The following CDH11 variants were observed in gnomAD, a reference collection of about 807,000 sequenced individuals.
CDH11 encodes cadherin-11.
In CDH11, 11 loss-of-function variants were observed where a neutral mutation model predicts 67.8. The ratio of observed to expected loss-of-function variants is 0.16; its 90% CI spans 0.10 to 0.27. The LOEUF (loss-of-function observed/expected upper bound fraction) is 0.27, where lower values mean the gene tolerates loss of function less well. Ranked by LOEUF, CDH11 falls within the 10% of genes least tolerant of loss-of-function variation. The pLI, the probability that CDH11 is intolerant of heterozygous loss-of-function variation, is 1.00. For missense variants in CDH11, 847 were observed against 1,031.2 expected, an observed-to-expected ratio of 0.82 and a Z score of 2.45; for synonymous variants, 419 against 400.0, an observed-to-expected ratio of 1.05 and a Z score of -0.57.
intron 2 of CDH11, among the ~76,000 whole-genome samples, chr16:65,024,185 GTCT>G (rs1437414634): frequency 1.3e-5 from 2 of 152,152 alleles, no homozygotes; most frequent in Non-Finnish European, 2.9e-5. Context: ...CCCTGGTTAT[GTCT>G]TCTGCTTCCT....
intron 11 of CDH11, among the ~76,000 whole-genome samples, chr16:64,966,036 G>T (rs532119762): frequency 6.6e-6 from 1 of 152,152 alleles, no homozygotes; most frequent in African/African-American, 2.4e-5. Context: ...GCAGTGGTAT[G>T]CTTAAAAAGG....
chr16:64,968,459 C>A, intron 11 of CDH11: 4 of 984,900 alleles, frequency 4.1e-6, no homozygotes, highest in Non-Finnish European at 4.8e-6. Flanking sequence ...TGCTCTTCAT[C>A]TGCCCAAATA....
At chr16:65,046,272 G>T (rs1023904729) in intron 2 of CDH11, among the ~76,000 whole-genome samples, 1 of 152,192 alleles carries the variant, frequency 6.6e-6, no homozygotes, top group African/African-American at 2.4e-5. Flanking sequence ...CAGTTGGATT[G>T]CCTGTTACCA....
intron 1 of CDH11, among the ~76,000 whole-genome samples, chr16:65,098,827 A>G (rs2074941939): frequency 6.6e-6 from 1 of 152,092 alleles, no homozygotes; most frequent in South Asian, 2.1e-4. Context: ...CTCTGCCACT[A>G]GTATGCCATG....
intron 3 of CDH11, among the ~76,000 whole-genome samples, chr16:65,002,581 T>A (rs1216876371): frequency 6.6e-6 from 1 of 152,240 alleles, no homozygotes; most frequent in Non-Finnish European, 1.5e-5. Flanking sequence ...TGAAATTCCT[T>A]TGGTACATCT....
At chr16:65,113,532 C>T (rs2075195225) in intron 1 of CDH11, among the ~76,000 whole-genome samples, 2 of 152,054 alleles carry the variant, frequency 1.3e-5, no homozygotes, top group Non-Finnish European at 1.5e-5. Flanking sequence ...AGTCCTCAGC[C>T]CTCCTTAGAG....
At chr16:65,015,761 A>G (rs1169416793) in intron 2 of CDH11, among the ~76,000 whole-genome samples, 1 of 152,186 alleles carries the variant, frequency 6.6e-6, no homozygotes, top group African/African-American at 2.4e-5. Context: ...ACCACTCCCC[A>G]TAGTCTGTTT....
intron 2 of CDH11, among the ~76,000 whole-genome samples, chr16:65,018,791 T>C (rs1000606384): frequency 1.3e-5 from 2 of 152,182 alleles, no homozygotes; most frequent in Admixed American, 6.5e-5. Flanking sequence ...ATGGTACACT[T>C]TCCCAAATTA....
At chr16:65,043,570 G>A (rs1188153423) in intron 2 of CDH11, among the ~76,000 whole-genome samples, 1 of 152,206 alleles carries the variant, frequency 6.6e-6, no homozygotes, top group Non-Finnish European at 1.5e-5. Flanking sequence ...CTGGAAAAGA[G>A]CATGACTTTG....
At chr16:65,065,067 G>T (rs149358237) in intron 1 of CDH11, among the ~76,000 whole-genome samples, 12 of 152,126 alleles carry the variant, frequency 7.9e-5, no homozygotes, top group African/African-American at 2.9e-4. Flanking sequence ...TCAGCTATGC[G>T]AGGGGACTGC....
At chr16:65,020,435 T>A (rs558672036) in intron 2 of CDH11, among the ~76,000 whole-genome samples, 1 of 152,292 alleles carries the variant, frequency 6.6e-6, no homozygotes, top group South Asian at 2.1e-4. Flanking sequence ...GCTCAAGCAA[T>A]TGTCCTGCCT....
chr16:65,069,832 T>C (rs1463843617), intron 1 of CDH11, among the ~76,000 whole-genome samples: 2 of 152,058 alleles, frequency 1.3e-5, no homozygotes, highest in African/African-American at 4.8e-5. Flanking sequence ...CCCAGTTTAT[T>C]CCTCCAACAC....
rs569766938 is a variant in CDH11 at position 65,121,483 on chromosome 16, C to T, written c.-298+397G>A. On this transcript the variant is annotated intron_variant, in intron 1 of 12. Transcript: ENST00000268603. This position sits in a 1 kb window ranked among gnomAD's most constrained non-coding sequence, Gnocchi z 4.1. ...GGCGCAGGGCTGGCGGGCACCGCGC[C>T]GTGGGCGACTTTCCCCAGAGATATG... Among the ~76,000 whole-genome samples the T allele has an allele frequency of 1.2e-4, 19 of 152,234 alleles. No individual in the cohort carries two copies. In the South Asian group the frequency reaches 3.3e-3, roughly 27 times the overall value.
In CDH11 at chr16:65,081,568, C is replaced by CA. The variant is rs200604783; in HGVS notation, c.-297-27641dup. Among the ~76,000 whole-genome samples the CA allele has an allele frequency of 9.3e-3, 563 of 60,362 alleles. 3 individuals carry two copies. Among genetic ancestry groups the CA allele is most frequent in the East Asian group, 0.04 (82 of 2,044 alleles). The allele number at this position is 60,362 out of a possible 152,430, so 39.6% of individuals were successfully genotyped here. A position where few individuals can be genotyped will look rare whatever the true frequency, so the allele number is the denominator to read the frequency against. On this transcript the variant is annotated intron_variant, in intron 1 of 12. Transcript: ENST00000268603. Reference sequence around the variant, plus strand: ...TGGGTGACTGAACGAGACTCTGTCTCAAAAAAAAAAAAAAAAAGCATCTAC... The same window carrying CA: ...TGGGTGACTGAACGAGACTCTGTCTCAAAAAAAAAAAAAAAAAAGCATCTAC...
In CDH11 at chr16:65,099,538, A is replaced by C. The variant is rs147787129; in HGVS notation, c.-298+22342T>G. Among the ~76,000 whole-genome samples, 356 of 152,212 alleles carry C rather than the reference A, an allele frequency of 2.3e-3. 2 individuals carry two copies. Among genetic ancestry groups the C allele is most frequent in the African/African-American group, 7.9e-3 (327 of 41,556 alleles). On this transcript the variant is annotated intron_variant, in intron 1 of 12. Transcript: ENST00000268603. ...GAAAGATCATTCTCTCCTGATTTTAATGATCTTAAGACACAAAAGCTATGT... is the reference window on the plus strand; with the variant it reads ...GAAAGATCATTCTCTCCTGATTTTACTGATCTTAAGACACAAAAGCTATGT...
intron 11 of CDH11, among the ~76,000 whole-genome samples, chr16:64,961,239 A>G (rs935598041): frequency 6.6e-6 from 1 of 152,172 alleles, no homozygotes; most frequent in Non-Finnish European, 1.5e-5. Context: ...CAAACAGGGA[A>G]GAGGCTTCAT....
chr16:65,096,409 GTGTGTGTGTGTGTGT>G (rs2074893169), intron 1 of CDH11, among the ~76,000 whole-genome samples: 1 of 74,174 alleles, frequency 1.3e-5, no homozygotes, highest in Non-Finnish European at 3.5e-5. Flanking sequence ...CTTTCGGGGT[GTGTGTGTGTGTGTGT>G]GTGTGTGTGT....
chr16:64,989,046 A>T (rs2142483643), intron 6 of CDH11, among the ~76,000 whole-genome samples: 1 of 152,304 alleles, frequency 6.6e-6, no homozygotes, highest in South Asian at 2.1e-4. Context: ...TTTGTTTACT[A>T]CTAAACAAAA....
intron 1 of CDH11, among the ~76,000 whole-genome samples, chr16:65,103,239 T>C (rs1293863108): frequency 6.6e-6 from 1 of 152,250 alleles, no homozygotes; most frequent in Non-Finnish European, 1.5e-5. Context: ...TCTTGCAACC[T>C]GCTAGATGCT....
Sources: gnomAD v4.1 joint callset for allele counts (sites outside exome capture counted in the v4.1 genomes callset) on GRCh38, gnomAD v4.1.1 for gene constraint, Gnocchi (gnomAD v3.1) non-coding constraint, MANE v1.5 for transcripts, NCBI Gene and HGNC (gene_info 2026-07-23, HGNC 2026-07-21) for gene names.